The following SLC39A11 variants were observed in gnomAD, a reference collection of about 807,000 sequenced individuals.
SLC39A11 encodes the protein zinc transporter ZIP11.
Under a neutral mutation model 36.1 loss-of-function variants are expected in SLC39A11, and 33 were observed. The ratio of observed to expected loss-of-function variants is 0.91; its 90% CI spans 0.69 to 1.22. SLC39A11 has a LOEUF of 1.22. SLC39A11 is among the 50% of genes most tolerant of loss of function. SLC39A11 has a pLI of 0.00. For synonymous variants in SLC39A11, 166 were observed against 170.3 expected (o/e 0.97, Z 0.20); for missense variants, 432 against 430.3 (o/e 1.00, Z -0.03).
intron 6 of SLC39A11, among the ~76,000 whole-genome samples, chr17:72,833,336 T>C (rs893170776): frequency 6.6e-5 from 10 of 152,192 alleles, no homozygotes; most frequent in African/African-American, 2.2e-4. Flanking sequence ...AATTCAGATA[T>C]TCAGATATTC....
Position 72,820,293 on chromosome 17 carries a change from G to C in SLC39A11, c.601+29341C>G, listed in dbSNP as rs568344048. ...GTCTTCCAAATAACTGAATTTTGTT[G>C]TGCCCCCAGGGTCACATGGAGCCCT... On this transcript the variant is annotated intron_variant, in intron 6 of 9. Transcript: ENST00000255559. Among the ~76,000 whole-genome samples the C allele has an allele frequency of 5.1e-4, 77 of 151,124 alleles. 2 individuals carry two copies. Among genetic ancestry groups the C allele is most frequent in the Middle Eastern group, 3.2e-3 (1 of 316 alleles).
At chr17:73,032,620 T>C (rs1415691851) in intron 3 of SLC39A11, among the ~76,000 whole-genome samples, 3 of 152,224 alleles carry the variant, frequency 2.0e-5, no homozygotes, top group Non-Finnish European at 4.4e-5. Context: ...TATGTTGAGC[T>C]GAAATCTGTC....
intron 6 of SLC39A11, among the ~76,000 whole-genome samples, chr17:72,802,605 AG>A (rs1228343791): frequency 6.9e-6 from 1 of 145,040 alleles, no homozygotes; most frequent in Non-Finnish European, 1.5e-5. Flanking sequence ...AAAAAAAAAA[AG>A]AAAAGAAAAG....
At chr17:73,081,768 C>CACATATAT (rs2060542300) in intron 3 of SLC39A11, among the ~76,000 whole-genome samples, 1 of 79,386 alleles carries the variant, frequency 1.3e-5, no homozygotes, top group African/African-American at 4.4e-5. Flanking sequence ...TGGGTATATA[C>CACATATAT]ATATATATAT....
chr17:73,081,660 C>A (rs200144693), intron 3 of SLC39A11, among the ~76,000 whole-genome samples: 1 of 81,638 alleles, frequency 1.2e-5, no homozygotes, highest in Middle Eastern at 5.8e-3. Context: ...CACACACACA[C>A]ACACACACAC....
At chr17:72,702,182 T>C (rs935482374) in intron 7 of SLC39A11, among the ~76,000 whole-genome samples, 37 of 152,346 alleles carry the variant, frequency 2.4e-4, no homozygotes, top group Admixed American at 6.5e-4. Flanking sequence ...CCAATCCACA[T>C]GCTCTCATAA....
chr17:72,996,766 T>C (rs1469259074), intron 4 of SLC39A11, among the ~76,000 whole-genome samples: 1 of 152,140 alleles, frequency 6.6e-6, no homozygotes, highest in African/African-American at 2.4e-5. Flanking sequence ...AAGAAACATA[T>C]ATTTTGGGAG....
chr17:72,892,986 T>A (rs889399835), intron 5 of SLC39A11, among the ~76,000 whole-genome samples: 1 of 152,126 alleles, frequency 6.6e-6, no homozygotes, highest in African/African-American at 2.4e-5. Context: ...GGAAATGAGG[T>A]CTTCGTAATG....
chr17:72,954,687 A>G (rs1598577968), intron 4 of SLC39A11, among the ~76,000 whole-genome samples: 1 of 152,164 alleles, frequency 6.6e-6, no homozygotes, highest in East Asian at 1.9e-4. Flanking sequence ...CACATAATGG[A>G]AAAAAAATTA....
At chr17:72,851,977 C>T (rs1052887732) in intron 5 of SLC39A11, among the ~76,000 whole-genome samples, 16 of 151,786 alleles carry the variant, frequency 1.1e-4, no homozygotes, top group African/African-American at 1.9e-4. Context: ...CCGAGGCAGG[C>T]GGATCATGAG....
At chr17:72,845,328 T>C (rs1042977480) in intron 6 of SLC39A11, among the ~76,000 whole-genome samples, 1 of 152,242 alleles carries the variant, frequency 6.6e-6, no homozygotes, top group Non-Finnish European at 1.5e-5. Flanking sequence ...CTCTCCCTGC[T>C]GCTCACCCTG....
intron 4 of SLC39A11, among the ~76,000 whole-genome samples, chr17:73,016,712 C>T (rs1422785405): frequency 6.6e-6 from 1 of 152,142 alleles, no homozygotes; most frequent in East Asian, 1.9e-4. Flanking sequence ...AAGCAGTCCC[C>T]CTGAAGTGGA....
chr17:72,936,791 G>A (rs200004995), intron 5 of SLC39A11, among the ~76,000 whole-genome samples: 4 of 151,874 alleles, frequency 2.6e-5, no homozygotes, highest in Admixed American at 6.6e-5. Context: ...TCCACCCTCC[G>A]ATCATCAGAC....
Position 73,030,238 on chromosome 17 carries a change from C to T in SLC39A11, c.306+1318G>A, listed in dbSNP as rs577905243. ...GGCCCAGCTCCTAACAAGCCATTGACCAGTAGCGGTCCTTGGTCTGGGGGG... is the reference window on the plus strand; with the variant it reads ...GGCCCAGCTCCTAACAAGCCATTGATCAGTAGCGGTCCTTGGTCTGGGGGG... On this transcript the variant is annotated intron_variant, in intron 4 of 9. Coordinates refer to ENST00000255559, the MANE Select transcript of SLC39A11 (RefSeq NM_139177.4). 6.1e-4 allele frequency among the ~76,000 whole-genome samples: 93 copies of T among 152,360 alleles called. 2 individuals are homozygous for T. The highest frequency in any genetic ancestry group is 5.6e-3 in the South Asian group (27 of 4,832).
At chr17:72,758,397 C>T (rs1198902627) in intron 6 of SLC39A11, among the ~76,000 whole-genome samples, 1 of 152,212 alleles carries the variant, frequency 6.6e-6, no homozygotes, top group Non-Finnish European at 1.5e-5. Context: ...AACATTCCCT[C>T]TTTACCCGTT....
chr17:72,870,665 G>C (rs1331420898), intron 5 of SLC39A11, among the ~76,000 whole-genome samples: 2 of 152,170 alleles, frequency 1.3e-5, no homozygotes. Context: ...GCAGATTTGT[G>C]GCCAATTGGT....
In SLC39A11 at chr17:72,951,748, A is replaced by G. The variant is rs544020485; in HGVS notation, c.307-3873T>C. 6.6e-5 allele frequency among the ~76,000 whole-genome samples: 10 copies of G among 152,162 alleles called. No individual in the cohort carries two copies. The South Asian group carries it at 2.1e-3, about 32-fold the overall frequency. On this transcript the variant is annotated intron_variant, in intron 4 of 9. Transcript: ENST00000255559. ...GTTTGTGCCGGGTGATGTTCCAAGC[A>G]TTTTACATGTACTAGCCCATTATTA...
chr17:73,000,355 C>G (rs1012873226), intron 4 of SLC39A11, among the ~76,000 whole-genome samples: 9 of 151,680 alleles, frequency 5.9e-5, no homozygotes, highest in African/African-American at 2.2e-4. Context: ...TCTCTGCCTC[C>G]TCCTCATCCT....
intron 6 of SLC39A11, among the ~76,000 whole-genome samples, chr17:72,806,188 G>C (rs1171230211): frequency 1.3e-5 from 2 of 152,068 alleles, no homozygotes; most frequent in African/African-American, 4.8e-5. Context: ...CTTCTTTCTT[G>C]GTTTATCCTG....
Sources: gnomAD v4.1 joint callset for allele counts (sites outside exome capture counted in the v4.1 genomes callset) on GRCh38, gnomAD v4.1.1 for gene constraint, MANE v1.5 for transcripts, NCBI Gene and HGNC (gene_info 2026-07-23, HGNC 2026-07-21) for gene names.